Variants in CC2D2B observed in about 807,000 individuals in gnomAD.
The protein encoded by CC2D2B is protein CC2D2B.
CC2D2B carries 128 observed loss-of-function variants against 161.2 expected under a neutral mutation model. The ratio of observed to expected loss-of-function variants is 0.79; its 90% CI spans 0.69 to 0.92. CC2D2B has a LOEUF of 0.92. Among genes scored for constraint, CC2D2B ranks in the 40% least tolerant of loss-of-function variants. The pLI, the probability that CC2D2B is intolerant of heterozygous loss-of-function variation, is 0.00. For synonymous variants in CC2D2B, 391 were observed against 449.8 expected, an observed-to-expected ratio of 0.87 and a Z score of 1.65; for missense variants, 1,173 against 1,375.1, an observed-to-expected ratio of 0.85 and a Z score of 2.32.
At chr10:95,948,114 G>A (rs1019030024) in intron 9 of CC2D2B, among the ~76,000 whole-genome samples, 1 of 152,092 alleles carries the variant, frequency 6.6e-6, no homozygotes. Flanking sequence ...GATTACAATA[G>A]TTAATAGTAA....
At chr10:95,949,644 A>C (rs1342030708) in intron 9 of CC2D2B, among the ~76,000 whole-genome samples, 2 of 114,388 alleles carry the variant, frequency 1.7e-5, no homozygotes, top group Non-Finnish European at 3.6e-5. Flanking sequence ...GTACCCTAAA[A>C]CTTAGAGTAT....
rs1301831246 is a variant in CC2D2B at position 96,032,837 on chromosome 10, C to CT, written c.*836dup. The CT allele has an allele frequency of 4.3e-6, 2 of 466,248 alleles. No individual in the cohort carries two copies. Among genetic ancestry groups the CT allele is most frequent in the Admixed American group, 2.4e-5 (1 of 41,624 alleles). 28.9% of individuals were successfully genotyped at this position (466,248 alleles called of 1,614,324 possible). A position where few individuals can be genotyped will look rare whatever the true frequency, so the allele number is the denominator to read the frequency against. ...AATGGTCTTGACAAATCTCAGGACTCTTTTTTTCCTTAGTGAGCAGCCCCC... is the reference window on the plus strand; with the variant it reads ...AATGGTCTTGACAAATCTCAGGACTCTTTTTTTTCCTTAGTGAGCAGCCCCC... On this transcript the variant is annotated 3_prime_UTR_variant, in exon 35 of 35. Coordinates refer to ENST00000646931, the MANE Select transcript of CC2D2B (RefSeq NM_001349008.3).
At position 96,031,961 on chromosome 10, in the gene CC2D2B, A is replaced by G; in HGVS notation, c.4267A>G (p.Ile1423Val). ...AVYIHPYPNN[I>V]LSVWVYLASL... ...ATACATTCACCCATACCCAAACAAC[A>G]TATTATCTGTGTGGGTCTATTTGGC... Residue 1423 changes from isoleucine to valine, a missense_variant, in exon 35 of 35, where the codon ATA (isoleucine) becomes GTA (valine). Physicochemically the swap from Ile to Val is conservative, Grantham distance 29 (BLOSUM62 3). Coordinates refer to ENST00000646931, the MANE Select transcript of CC2D2B (RefSeq NM_001349008.3). 1 of 1,613,612 alleles carries G rather than the reference A, an allele frequency of 6.2e-7. No individual in the cohort carries two copies. The highest frequency in any genetic ancestry group is 8.5e-7 in the Non-Finnish European group (1 of 1,179,628).
Position 95,926,848 on chromosome 10 carries a change from CTG to C in CC2D2B, c.241-364_241-363del, listed in dbSNP as rs1209292988. Among the ~76,000 whole-genome samples, 870 of 106,826 alleles carry C rather than the reference CTG, an allele frequency of 8.1e-3. 7 individuals are homozygous for C. Among genetic ancestry groups the C allele is most frequent in the Non-Finnish European group, 0.011 (571 of 53,584 alleles). The allele number at this position is 106,826 out of a possible 152,430, so 70.1% of individuals were successfully genotyped here. A position where few individuals can be genotyped will look rare whatever the true frequency, so the allele number is the denominator to read the frequency against. On this transcript the variant is annotated intron_variant, in intron 5 of 34. Coordinates refer to ENST00000646931, the MANE Select transcript of CC2D2B (RefSeq NM_001349008.3). ...TGTGTGTGTGTGTGTGTGTGTGTGTCTGTGTGTGTGTGTGTGTGTGTGTGTGC... is the reference window on the plus strand; with the variant it reads ...TGTGTGTGTGTGTGTGTGTGTGTGTCTGTGTGTGTGTGTGTGTGTGTGTGC...
intron 5 of CC2D2B, among the ~76,000 whole-genome samples, chr10:95,925,614 G>A (rs1441531209): frequency 6.6e-6 from 1 of 152,150 alleles, no homozygotes; most frequent in African/African-American, 2.4e-5. Flanking sequence ...ATTATTTAGA[G>A]GACAAGCTAA....
rs919910764 is a variant in CC2D2B at position 96,032,863 on chromosome 10, A to C, written c.*855A>C. 4 of 448,588 alleles carry C rather than the reference A, an allele frequency of 8.9e-6. No homozygotes were observed. Among genetic ancestry groups the C allele is most frequent in the Non-Finnish European group, 1.8e-5 (4 of 218,216 alleles). The allele number at this position is 448,588 out of a possible 1,614,324, so 27.8% of individuals were successfully genotyped here. A position where few individuals can be genotyped will look rare whatever the true frequency, so the allele number is the denominator to read the frequency against. On this transcript the variant is annotated 3_prime_UTR_variant, in exon 35 of 35. Coordinates refer to ENST00000646931, the MANE Select transcript of CC2D2B (RefSeq NM_001349008.3). Reference sequence around the variant, plus strand: ...TTTTTTTCCTTAGTGAGCAGCCCCCAACTCTGCCTCTGGCACTTTTTGCTG... The same window carrying C: ...TTTTTTTCCTTAGTGAGCAGCCCCCCACTCTGCCTCTGGCACTTTTTGCTG...
intron 22 of CC2D2B, among the ~76,000 whole-genome samples, chr10:95,995,008 C>T (rs2141706436): frequency 6.6e-6 from 1 of 152,244 alleles, no homozygotes; most frequent in Non-Finnish European, 1.5e-5. Flanking sequence ...TTTTCTTCCC[C>T]TTTTTCTGAA....
chr10:95,911,746 C>G (rs1181073697), intron 2 of CC2D2B, among the ~76,000 whole-genome samples: 4 of 152,096 alleles, frequency 2.6e-5, no homozygotes, highest in Non-Finnish European at 5.9e-5. Flanking sequence ...TCCCTACCTT[C>G]TAGATGGAAA....
At chr10:95,996,575 C>G (rs2078238333) in intron 24 of CC2D2B, among the ~76,000 whole-genome samples, 1 of 152,158 alleles carries the variant, frequency 6.6e-6, no homozygotes, top group South Asian at 2.1e-4. Flanking sequence ...CTTTCTTTCT[C>G]CCTAGAGGTA....
chr10:96,023,835 G>A (rs758616735), intron 32 of CC2D2B, among the ~76,000 whole-genome samples: 2 of 152,222 alleles, frequency 1.3e-5, no homozygotes, highest in South Asian at 4.1e-4. Context: ...CAGAGTTCCT[G>A]ATTCAGTAGT....
chr10:95,998,763 C>CT (rs2078335805), intron 24 of CC2D2B, among the ~76,000 whole-genome samples: 1 of 152,150 alleles, frequency 6.6e-6, no homozygotes, highest in South Asian at 2.1e-4. Flanking sequence ...AAGGTCCACC[C>CT]TTATTATGGA....
chr10:95,965,863 C>A lies in CC2D2B; in HGVS notation c.1251-33C>A, dbSNP rs2076924305. On this transcript the variant is annotated intron_variant, in intron 12 of 34. Transcript: ENST00000646931. ...CAACTCTCAAATACCTCCATTATTT[C>A]TGCTTTCAATAATTCTGTTTATTAT... The A allele has an allele frequency of 8.1e-6, 7 of 861,954 alleles. No individual in the cohort carries two copies. In the Admixed American group the frequency reaches 1.3e-4, roughly 16 times the overall value. 53.4% of individuals were successfully genotyped at this position (861,954 alleles called of 1,614,324 possible).
chr10:95,946,071 A>G (rs2141314279), intron 9 of CC2D2B, among the ~76,000 whole-genome samples: 1 of 152,324 alleles, frequency 6.6e-6, no homozygotes, highest in Non-Finnish European at 1.5e-5. Context: ...GGCGTGAGCC[A>G]CCACGCCCAG....
In CC2D2B at chr10:96,025,155, ATATAT is replaced by A. The variant is rs1263864439; in HGVS notation, c.3947+245_3947+249del. Among the ~76,000 whole-genome samples, 106 of 41,416 alleles carry A rather than the reference ATATAT, an allele frequency of 2.6e-3. 5 individuals are homozygous for A. The East Asian group carries it at 0.044, about 17-fold the overall frequency. The allele number at this position is 41,416 out of a possible 152,430, so 27.2% of individuals were successfully genotyped here. Reference sequence around the variant, plus strand: ...GAGACGTCATCTCTACTAAAAAAAAATATATATATATATATATATATATATATATA... The same window carrying A: ...GAGACGTCATCTCTACTAAAAAAAAAATATATATATATATATATATATATA... On this transcript the variant is annotated intron_variant, in intron 33 of 34. Transcript: ENST00000646931.
intron 5 of CC2D2B, among the ~76,000 whole-genome samples, chr10:95,926,848 CTGTGTGTG>C (rs1209292988): frequency 2.8e-5 from 3 of 106,902 alleles, no homozygotes; most frequent in African/African-American, 8.0e-5. Flanking sequence ...GTGTGTGTGT[CTGTGTGTG>C]TGTGTGTGTG....
At chr10:96,004,565 G>A (rs1224006271) in intron 25 of CC2D2B, among the ~76,000 whole-genome samples, 1 of 152,088 alleles carries the variant, frequency 6.6e-6, no homozygotes, top group African/African-American at 2.4e-5. Context: ...ACAGAAATAG[G>A]TTACATATAT....
At chr10:95,995,745 A>G (rs1399810481) in intron 23 of CC2D2B, among the ~76,000 whole-genome samples, 3 of 152,222 alleles carry the variant, frequency 2.0e-5, no homozygotes, top group African/African-American at 7.2e-5. Context: ...ACTACGACTT[A>G]AAGTTTCAAA....
At chr10:95,910,323 T>C (rs1057250389) in intron 1 of CC2D2B, among the ~76,000 whole-genome samples, 1 of 152,206 alleles carries the variant, frequency 6.6e-6, no homozygotes, top group African/African-American at 2.4e-5. Flanking sequence ...GAAAAGAGTT[T>C]TAATTGGCTC....
rs1401806073 is a variant in CC2D2B at position 95,968,897 on chromosome 10, T to G, written c.1640T>G (p.Leu547Trp). The change falls in exon 15 of 35, where the codon TTG becomes TGG. Residue 547 changes from leucine to tryptophan, a missense_variant. By Grantham distance (61) the Leu-to-Trp change is moderately conservative (BLOSUM62 -2). Around this residue, in one of 3 missense-constraint regions of CC2D2B, gnomAD observed 277 missense variants for 420.6 expected, o/e 0.66. Transcript: ENST00000646931. ...ATGTATTGGCCTGAAGTGATTTGTT[T>G]GGAGGTATGCCATTGTCATTTACTT... ...QLMYWPEVIC[L>W]EVYEKSKRTS... The G allele has an allele frequency of 8.1e-7, 1 of 1,227,402 alleles. No individual in the cohort carries two copies. The highest frequency in any genetic ancestry group is 1.6e-5 in the African/African-American group (1 of 64,452). 76.0% of individuals were successfully genotyped at this position (1,227,402 alleles called of 1,614,324 possible). A position where few individuals can be genotyped will look rare whatever the true frequency, so the allele number is the denominator to read the frequency against.
Sources: gnomAD v4.1 joint callset for allele counts (sites outside exome capture counted in the v4.1 genomes callset) on GRCh38, gnomAD v4.1.1 for gene constraint, gnomAD v4.1.1 regional missense constraint, MANE v1.5 for transcripts, NCBI Gene and HGNC (gene_info 2026-07-23, HGNC 2026-07-21) for gene names.